Variants in PSD3 observed in about 807,000 individuals in gnomAD.
PSD3 encodes pleckstrin and Sec7 domain containing 3.
Under a neutral mutation model 105.5 loss-of-function variants are expected in PSD3, and 49 were observed. The observed-to-expected ratio is 0.46, with a 90% CI of 0.37 to 0.59. The LOEUF (loss-of-function observed/expected upper bound fraction) is 0.59. Among genes scored for constraint, PSD3 ranks in the 20% least tolerant of loss-of-function variants. The probability of loss-of-function intolerance (pLI) is 0.00; values close to 1 mark genes in which losing one functional copy is unlikely to be tolerated. For missense variants in PSD3, 1,561 were observed against 1,263.8 expected, an observed-to-expected ratio of 1.24 and a Z score of -3.57; for synonymous variants, 557 against 457.8, an observed-to-expected ratio of 1.22 and a Z score of -2.77.
At chr8:18,564,649 T>C (rs1166453151) in intron 14 of PSD3, among the ~76,000 whole-genome samples, 1 of 149,784 alleles carries the variant, frequency 6.7e-6, no homozygotes, top group Admixed American at 6.6e-5. Context: ...AAAAAAGATA[T>C]TTAGAGGGTA....
chr8:18,988,096 A>T (rs2129473293), intron 1 of PSD3, among the ~76,000 whole-genome samples: 1 of 139,294 alleles, frequency 7.2e-6, no homozygotes, highest in East Asian at 2.0e-4. Flanking sequence ...AATGTTAGAA[A>T]AAATAAATAA....
rs1169806653 is a variant in PSD3, at chr8:18,912,466, C to CT, written c.130+23567dup. ...TTTTGTACTTAAATTTCTTTCTAAG[C>CT]TTTCAGAAGGAAAAAAATATATATA... On this transcript the variant is annotated intron_variant, in intron 2 of 15. Transcript: ENST00000327040. 9.2e-5 allele frequency among the ~76,000 whole-genome samples: 14 copies of CT among 152,250 alleles called. No homozygotes were observed. In the East Asian group the frequency reaches 2.5e-3, roughly 27 times the overall value.
chr8:18,714,333 CAA>C (rs1032694856), intron 9 of PSD3, among the ~76,000 whole-genome samples: 1 of 150,984 alleles, frequency 6.6e-6, no homozygotes, highest in African/African-American at 2.4e-5. Context: ...ATCATCACAG[CAA>C]ACATTCAACC....
intron 10 of PSD3, among the ~76,000 whole-genome samples, chr8:18,652,343 C>T (rs1808550185): frequency 6.6e-6 from 1 of 151,862 alleles, no homozygotes; most frequent in South Asian, 2.1e-4. Flanking sequence ...TGGAAGAAGA[C>T]AATTCAAAGT....
At chr8:18,661,387 C>G (rs1809337535) in intron 9 of PSD3, among the ~76,000 whole-genome samples, 1 of 152,198 alleles carries the variant, frequency 6.6e-6, no homozygotes, top group African/African-American at 2.4e-5. Flanking sequence ...TAAATATGCA[C>G]CACTCTGGCA....
chr8:18,947,330 C>A lies in PSD3; in HGVS notation c.22-11188G>T, dbSNP rs1434329811. On this transcript the variant is annotated intron_variant, in intron 1 of 15. Transcript: ENST00000327040. ...GCAAAAAGCAAGCCTCGGTCCTCAC[C>A]CAGTCATCATGCAGCCCCGCTGCCA... Among the ~76,000 whole-genome samples the A allele has an allele frequency of 2.0e-5, 3 of 152,182 alleles. No homozygotes were observed. In the South Asian group the frequency reaches 6.2e-4, roughly 32 times the overall value.
chr8:18,994,494 C>G (rs1318970057), intron 1 of PSD3, among the ~76,000 whole-genome samples: 1 of 152,044 alleles, frequency 6.6e-6, no homozygotes, highest in Non-Finnish European at 1.5e-5. Flanking sequence ...TGCAGCTGCT[C>G]TGCATATACA....
At chr8:18,662,980 T>C (rs1271319288) in intron 9 of PSD3, among the ~76,000 whole-genome samples, 1 of 152,206 alleles carries the variant, frequency 6.6e-6, no homozygotes, top group Non-Finnish European at 1.5e-5. Context: ...GGACTCTGAC[T>C]GCTTCTTGTC....
At chr8:18,876,028 G>A (rs1215827765) in intron 2 of PSD3, among the ~76,000 whole-genome samples, 1 of 151,984 alleles carries the variant, frequency 6.6e-6, no homozygotes, top group Admixed American at 6.6e-5. Context: ...CTTTCACCTG[G>A]CACAAGGTTG....
chr8:18,556,955 G>A (rs567978150), intron 14 of PSD3, among the ~76,000 whole-genome samples: 3 of 152,260 alleles, frequency 2.0e-5, no homozygotes, highest in South Asian at 2.1e-4. Context: ...AAAGCAACCC[G>A]TCAATTAAAA....
At chr8:18,685,388 CAG>C (rs1395153052) in intron 9 of PSD3, among the ~76,000 whole-genome samples, 1 of 152,036 alleles carries the variant, frequency 6.6e-6, no homozygotes, top group Non-Finnish European at 1.5e-5. Context: ...ATCCTCATGA[CAG>C]GGGCTTTCTT....
At chr8:18,557,499 C>T (rs1801152537) in intron 14 of PSD3, 1 of 153,988 alleles carries the variant, frequency 6.5e-6, no homozygotes, top group South Asian at 2.0e-4. Flanking sequence ...TCTTAAAAGC[C>T]AAACAACAAA....
chr8:18,774,755 G>T, intron 8 of PSD3: 1 of 385,994 alleles, frequency 2.6e-6, no homozygotes, highest in South Asian at 1.9e-5. Flanking sequence ...TGAGAACACA[G>T]GCAACAGATT....
chr8:18,873,372 G>A (rs1312215185), intron 2 of PSD3, among the ~76,000 whole-genome samples: 5 of 152,044 alleles, frequency 3.3e-5, no homozygotes, highest in South Asian at 2.1e-4. Context: ...ACCCAACTAC[G>A]GAAAATTCAT....
chr8:18,621,179 G>C (rs1458673591), intron 11 of PSD3, among the ~76,000 whole-genome samples: 2 of 152,194 alleles, frequency 1.3e-5, no homozygotes, highest in Non-Finnish European at 2.9e-5. Context: ...AGGCTGAGAA[G>C]GGCAGATTAC....
In PSD3 at chr8:18,556,245, A is replaced by G. The variant is rs960448226; in HGVS notation, c.2892T>C (p.Asp964=). Residue 964 remains aspartate, a synonymous_variant, in exon 15 of 16, where the codon GAT becomes GAC. Transcript: ENST00000327040. ...GATAGTGGTCTTTCAGTTTGTACTC[A>G]TCGACGTCCTTGGCTTTGACCTTCT... ...PDKKVKAKDV[D]EYKLKDHYLE... The G allele has an allele frequency of 8.1e-6, 13 of 1,613,988 alleles. No homozygotes were observed. Among genetic ancestry groups the G allele is most frequent in the Non-Finnish European group, 1.1e-5 (13 of 1,179,982 alleles).
chr8:18,757,599 G>A (rs1806165518), intron 9 of PSD3, among the ~76,000 whole-genome samples: 2 of 152,298 alleles, frequency 1.3e-5, no homozygotes, highest in Non-Finnish European at 2.9e-5. Flanking sequence ...CTAATAGGAA[G>A]CTCTAAATAA....
upstream of PSD3, among the ~76,000 whole-genome samples, chr8:19,015,877 GGTTT>G (rs1168510991): frequency 2.0e-5 from 3 of 152,138 alleles, no homozygotes; most frequent in South Asian, 6.2e-4. Flanking sequence ...ATTTTTAATT[GGTTT>G]TATCCCTGAA....
chr8:18,847,187 T>A (rs1392886415), intron 4 of PSD3, among the ~76,000 whole-genome samples: 1 of 152,146 alleles, frequency 6.6e-6, no homozygotes, highest in East Asian at 1.9e-4. Flanking sequence ...AGAGGCACCA[T>A]CAACCAGTCA....
Sources: allele counts gnomAD v4.1 joint callset (sites outside exome capture counted in the v4.1 genomes callset), GRCh38; gene constraint gnomAD v4.1.1; transcripts MANE v1.5; gene names NCBI Gene and HGNC (gene_info 2026-07-23, HGNC 2026-07-21).